Variants in NMT1 observed in about 807,000 individuals in gnomAD.
NMT1 encodes the protein glycylpeptide N-tetradecanoyltransferase 1.
Under a neutral mutation model 63.4 loss-of-function variants are expected in NMT1, and 12 were observed. The observed-to-expected ratio is 0.19, with a 90% CI of 0.12 to 0.31. NMT1 has a LOEUF of 0.31. Among genes scored for constraint, NMT1 ranks in the 10% least tolerant of loss-of-function variants. NMT1 has a pLI of 1.00. For missense variants in NMT1, 432 were observed against 634.6 expected, an observed-to-expected ratio of 0.68 and a Z score of 3.43; for synonymous variants, 228 against 234.3, an observed-to-expected ratio of 0.97 and a Z score of 0.25.
Position 45,104,815 on chromosome 17 carries a change from C to T in NMT1, c.1333-44C>T. On this transcript the variant is annotated intron_variant, in intron 10 of 11. Transcript: ENST00000258960. The surrounding 1 kb of genome is among the most constrained non-coding windows in gnomAD (Gnocchi z 4.2). ...CAAAGGGGTAGGAAGGAGGCTGTCC[C>T]CACCTGTCCTCACCTGTTCTTGTTT... 1 of 1,610,408 alleles carries T rather than the reference C, an allele frequency of 6.2e-7. No homozygotes were observed. The highest frequency in any genetic ancestry group is 8.5e-7 in the Non-Finnish European group (1 of 1,176,976).
Position 45,101,678 on chromosome 17 carries a change from C to A in NMT1, c.994-1273C>A, listed in dbSNP as rs116776409. Reference sequence around the variant, plus strand: ...AAATCTCTTCTCTTTCCTCGGAGTGCTTCTTCCTATTGGTCATCAGTGCAC... The same window carrying A: ...AAATCTCTTCTCTTTCCTCGGAGTGATTCTTCCTATTGGTCATCAGTGCAC... On this transcript the variant is annotated intron_variant, in intron 8 of 11. Transcript: ENST00000258960. Among the ~76,000 whole-genome samples, 989 of 149,920 alleles carry A rather than the reference C, an allele frequency of 6.6e-3. 12 individuals carry two copies. The highest frequency in any genetic ancestry group is 0.023 in the African/African-American group (930 of 40,830).
chr17:45,065,832 A>G (rs1213097159), intron 1 of NMT1, among the ~76,000 whole-genome samples: 1 of 151,544 alleles, frequency 6.6e-6, no homozygotes, highest in Non-Finnish European at 1.5e-5. Flanking sequence ...TGTGTAATAT[A>G]TAATAAAGGT....
At chr17:45,072,252 T>TA (rs561408385) in intron 1 of NMT1, among the ~76,000 whole-genome samples, 16,084 of 143,446 alleles carry the variant, frequency 0.11, 929 homozygotes, top group Middle Eastern at 0.18. Context: ...AAACTGTCTT[T>TA]ACAAAAAAAA....
chr17:45,071,936 T>C (rs969595989), intron 1 of NMT1, among the ~76,000 whole-genome samples: 2 of 151,988 alleles, frequency 1.3e-5, no homozygotes, highest in African/African-American at 4.8e-5. Context: ...GGACAGAGCC[T>C]AAGGAGAGAG....
At position 45,086,580 on chromosome 17, in the gene NMT1, C is replaced by A. The variant is rs1294041634; in HGVS notation, c.313C>A (p.Pro105Thr). 1.2e-6 allele frequency: 2 copies of A among 1,613,578 alleles called. No individual in the cohort carries two copies. Among genetic ancestry groups the A allele is most frequent in the Non-Finnish European group, 1.7e-6 (2 of 1,179,740 alleles). ...TGAGCTGTTCTCAGTGGGTCAGGGA[C>A]CTGCCAAAACCATGGAGGAGGCTAG... ...AIELFSVGQG[P>T]AKTMEEASKR... Residue 105 changes from proline (P) to threonine (T), a missense_variant, in exon 3 of 12, where the codon CCT becomes ACT. By Grantham distance (38) the Pro-to-Thr change is conservative. This residue lies in a region of NMT1 where 295 missense variants were observed against 489.7 expected (regional missense o/e 0.60). Transcript: ENST00000258960.
intron 4 of NMT1, among the ~76,000 whole-genome samples, chr17:45,094,452 C>T (rs1363250209): frequency 6.7e-6 from 1 of 149,906 alleles, no homozygotes; most frequent in South Asian, 2.1e-4. Context: ...GAGATCTCAC[C>T]ATTGCACTCC....
At chr17:45,075,274 A>G (rs1199521979) in intron 1 of NMT1, among the ~76,000 whole-genome samples, 1 of 151,936 alleles carries the variant, frequency 6.6e-6, no homozygotes, top group Admixed American at 6.6e-5. Flanking sequence ...ACTTGAGGTC[A>G]GGAGTCCAAG....
intron 1 of NMT1, 138 bp downstream of exon 1, chr17:45,061,598 G>C (rs1287347148): frequency 6.8e-6 from 5 of 736,322 alleles, no homozygotes; most frequent in Non-Finnish European, 1.1e-5. Flanking sequence ...TCTGCCTGGC[G>C]ATTGGTTATT....
Position 45,071,842 on chromosome 17 carries a change from T to C in NMT1, c.132-9802T>C, listed in dbSNP as rs950997051. Among the ~76,000 whole-genome samples the C allele has an allele frequency of 3.9e-5, 6 of 152,270 alleles. No individual in the cohort carries two copies. In the East Asian group the frequency reaches 7.7e-4, roughly 20 times the overall value. ...TGAGACTCCTGGGCTCAAGAGATCCTCCCGCCTCAGCTTCCTCAGTAGCTG... is the reference window on the plus strand; with the variant it reads ...TGAGACTCCTGGGCTCAAGAGATCCCCCCGCCTCAGCTTCCTCAGTAGCTG... On this transcript the variant is annotated intron_variant, in intron 1 of 11. Coordinates refer to ENST00000258960, the MANE Select transcript of NMT1 (RefSeq NM_021079.5).
intron 8 of NMT1, among the ~76,000 whole-genome samples, chr17:45,101,775 T>C (rs1306016093): frequency 2.6e-5 from 4 of 152,160 alleles, no homozygotes; most frequent in Non-Finnish European, 4.4e-5. Flanking sequence ...GATTGATCAC[T>C]CTGAAATCAG....
At position 45,085,870 on chromosome 17, in the gene NMT1, G is replaced by A. The variant is rs145527276; in HGVS notation, c.241-638G>A. Among the ~76,000 whole-genome samples the A allele has an allele frequency of 4.5e-3, 676 of 151,050 alleles. 44 individuals carry two copies. In the East Asian group the frequency reaches 0.11, roughly 25 times the overall value. ...GGATTCTTGCTCTGTCACCCAGGCT[G>A]GAGTGCAGTGGTGTGATCTTAGCTT... On this transcript the variant is annotated intron_variant, in intron 2 of 11. Transcript: ENST00000258960.
rs140455291 is a variant in NMT1 at position 45,081,660 on chromosome 17, A to G, written c.148A>G (p.Asn50Asp). ...TTGTTACAGTGGTTTGAGTCCAGCC[A>G]ATGACACTGGAGCCAAAAAGAAGAA... ...SYNRGGLSPA[N>D]DTGAKKKKKK... The change falls in exon 2 of 12, where the codon AAT (asparagine) becomes GAT (aspartate). Residue 50 changes from asparagine (N) to aspartate (D), a missense_variant. Physicochemically the swap from Asn to Asp is conservative, Grantham distance 23. Transcript: ENST00000258960. 1.4e-4 allele frequency: 220 copies of G among 1,613,546 alleles called. No individual in the cohort carries two copies. The African/African-American group carries it at 1.6e-3, about 12-fold the overall frequency.
chr17:45,103,509 G>T lies in NMT1; in HGVS notation c.1165-200G>T, dbSNP rs1037638454. 4.6e-5 allele frequency among the ~76,000 whole-genome samples: 7 copies of T among 152,088 alleles called. No individual in the cohort carries two copies. The highest frequency in any genetic ancestry group is 8.8e-5 in the Non-Finnish European group (6 of 68,034). On this transcript the variant is annotated intron_variant, in intron 9 of 11. Transcript: ENST00000258960. The surrounding 1 kb of genome is among the most constrained non-coding windows in gnomAD (Gnocchi z 4.8). ...CCATGCTGGGAAAGAGGTCTGGCAG[G>T]TTCAGCCCACGATCACGGCTCTGTC...
intron 1 of NMT1, among the ~76,000 whole-genome samples, chr17:45,072,870 A>AT (rs1311907552): frequency 1.3e-5 from 2 of 151,850 alleles, no homozygotes; most frequent in Non-Finnish European, 2.9e-5. Context: ...ATTTTTTTTA[A>AT]TAAAAAAAGA....
At chr17:45,086,418 C>G in intron 2 of NMT1, 90 bp from the exon 3 acceptor site, 1 of 1,367,686 alleles carries the variant, frequency 7.3e-7, no homozygotes. Context: ...AGCCACTGCA[C>G]CCAGCTCCCC....
At chr17:45,082,996 AAC>A (rs2054026379) in intron 2 of NMT1, among the ~76,000 whole-genome samples, 2 of 142,268 alleles carry the variant, frequency 1.4e-5, no homozygotes. Context: ...CAGCCTGGGC[AAC>A]AGAGTGAGAC....
intron 6 of NMT1, 30 bp downstream of exon 6, chr17:45,097,274 A>AC (rs1290763734): frequency 6.8e-7 from 1 of 1,462,878 alleles, no homozygotes; most frequent in African/African-American, 1.4e-5. Flanking sequence ...CCCACCCCCC[A>AC]CAACACCGCC....
In NMT1 at chr17:45,103,194, C is replaced by T; in HGVS notation, c.1164+73C>T. On this transcript the variant is annotated intron_variant, in intron 9 of 11. Transcript: ENST00000258960. The surrounding 1 kb of genome is among the most constrained non-coding windows in gnomAD (Gnocchi z 4.8). ...GCACCCCCCTGAGTGGCCGGGTTCC[C>T]AGGGCTCGAGTGTTGGCACCTTAGA... The T allele has an allele frequency of 6.8e-7, 1 of 1,469,250 alleles. No homozygotes were observed. Among genetic ancestry groups the T allele is most frequent in the Non-Finnish European group, 9.4e-7 (1 of 1,068,644 alleles). The allele number at this position is 1,469,250 out of a possible 1,614,324, so 91.0% of individuals were successfully genotyped here. A position where few individuals can be genotyped will look rare whatever the true frequency, so the allele number is the denominator to read the frequency against.
chr17:45,078,264 A>G (rs913927928), intron 1 of NMT1, among the ~76,000 whole-genome samples: 3 of 152,180 alleles, frequency 2.0e-5, no homozygotes, highest in African/African-American at 7.2e-5. Flanking sequence ...ATGGAAAGCC[A>G]TTTTCACAGA....
Sources: gnomAD v4.1 joint callset for allele counts (sites outside exome capture counted in the v4.1 genomes callset) on GRCh38, gnomAD v4.1.1 for gene constraint, gnomAD v4.1.1 regional missense constraint, Gnocchi (gnomAD v3.1) non-coding constraint, MANE v1.5 for transcripts, NCBI Gene and HGNC (gene_info 2026-07-23, HGNC 2026-07-21) for gene names.